Variants in CMC2 observed in about 807,000 individuals in gnomAD.
The protein encoded by CMC2 is C-X9-C motif containing 2, also known as COX assembly mitochondrial protein 2 homolog.
In CMC2, 5 loss-of-function variants were observed where a neutral mutation model predicts 7.5. The ratio of observed to expected loss-of-function variants is 0.66; its 90% CI spans 0.35 to 1.40. The LOEUF (loss-of-function observed/expected upper bound fraction) is 1.40, where lower values mean the gene tolerates loss of function less well. Among genes scored for constraint, CMC2 ranks in the 40% most tolerant of loss-of-function variants. The probability of loss-of-function intolerance (pLI) is 0.04; values close to 1 mark genes in which losing one functional copy is unlikely to be tolerated. For missense variants in CMC2, 115 were observed against 92.3 expected, an observed-to-expected ratio of 1.25 and a Z score of -1.01; for synonymous variants, 37 against 31.4, an observed-to-expected ratio of 1.18 and a Z score of -0.60.
intron 3 of CMC2, among the ~76,000 whole-genome samples, chr16:80,979,088 A>T (rs199845684): frequency 0.14 from 21,724 of 149,906 alleles, 1,692 homozygotes; most frequent in Admixed American, 0.2. Context: ...CAAAAAAAAT[A>T]AAAAAATAAA....
At chr16:80,994,420 T>C (rs1347081899) in intron 2 of CMC2, among the ~76,000 whole-genome samples, 5 of 59,576 alleles carry the variant, frequency 8.4e-5, no homozygotes, top group South Asian at 1.7e-3. Flanking sequence ...TTGAAACACA[T>C]CCTAAAGGAA....
At position 80,997,349 on chromosome 16, in the gene CMC2, C is replaced by T. The variant is rs757345931; in HGVS notation, c.46G>A (p.Val16Ile). The T allele has an allele frequency of 1.3e-5, 18 of 1,421,654 alleles. No individual in the cohort carries two copies. The highest frequency in any genetic ancestry group is 3.4e-5 in the South Asian group (3 of 88,132). The allele number at this position is 1,421,654 out of a possible 1,614,324, so 88.1% of individuals were successfully genotyped here. A position where few individuals can be genotyped will look rare whatever the true frequency, so the allele number is the denominator to read the frequency against. Reference protein sequence around the residue: ...SPHLHTEECNVLINLLKECHK... With the variant: ...SPHLHTEECNILINLLKECHK... ...CATTCCTTAAGCAAGTTAATCAAGA[C>T]GTTGCATTCTTCAGTGTGCAAGTGT... The change falls in exon 2 of 4, where the codon GTC becomes ATC. Residue 16 changes from valine to isoleucine, a missense_variant. Physicochemically the swap from Val to Ile is conservative, Grantham distance 29 (BLOSUM62 3). Transcript: ENST00000219400.
At chr16:80,997,209 A>C in intron 2 of CMC2, 105 bp downstream of exon 2, 1 of 745,106 alleles carries the variant, frequency 1.3e-6, no homozygotes. Context: ...CAGACTCCTT[A>C]CTAAGACATT....
At chr16:81,000,826 C>T (rs1469341609) in intron 1 of CMC2, among the ~76,000 whole-genome samples, 1 of 152,200 alleles carries the variant, frequency 6.6e-6, no homozygotes, top group Non-Finnish European at 1.5e-5. Context: ...CCACTAGATC[C>T]AGCAATCCCA....
At chr16:80,987,069 G>A (rs529316774) in intron 2 of CMC2, among the ~76,000 whole-genome samples, 2 of 152,314 alleles carry the variant, frequency 1.3e-5, no homozygotes, top group South Asian at 4.1e-4. Context: ...GGTAACTACT[G>A]AAAACATCCA....
At position 80,974,930 on chromosome 16, in the gene CMC2, G is replaced by T. The variant is rs1233962028; in HGVS notation, c.*1163C>A. The T allele has an allele frequency of 1.3e-5, 2 of 152,182 alleles. No homozygotes were observed. Among genetic ancestry groups the T allele is most frequent in the African/African-American group, 2.4e-5 (1 of 41,442 alleles). 9.4% of individuals were successfully genotyped at this position (152,182 alleles called of 1,614,324 possible). ...AGCTTCTTGAATACCTCCTGTGATG[G>T]GGAAGTCACTTATTAAACACCAACA... is the stretch of plus-strand genomic sequence containing the variant. On this transcript the variant is annotated 3_prime_UTR_variant, in exon 4 of 4. Transcript: ENST00000219400.
chr16:80,979,417 C>G (rs139560640), intron 3 of CMC2, among the ~76,000 whole-genome samples: 3 of 151,930 alleles, frequency 2.0e-5, no homozygotes, highest in Admixed American at 6.5e-5. Flanking sequence ...CTCAGGCCAG[C>G]TGAGAAGACA....
intron 1 of CMC2, among the ~76,000 whole-genome samples, chr16:81,005,329 T>C (rs1007226072): frequency 4.6e-5 from 7 of 151,934 alleles, no homozygotes; most frequent in Admixed American, 4.6e-4. Flanking sequence ...CGAGAATCAC[T>C]AGAACTCGGG....
chr16:80,986,912 G>A (rs543757125), intron 2 of CMC2, among the ~76,000 whole-genome samples: 4 of 152,326 alleles, frequency 2.6e-5, no homozygotes, highest in South Asian at 2.1e-4. Context: ...CCAGGAAAGC[G>A]AATGATTTTT....
chr16:80,981,826 T>C lies in CMC2; in HGVS notation c.133A>G (p.Arg45Gly). The C allele has an allele frequency of 6.2e-7, 1 of 1,610,240 alleles. No homozygotes were observed. Among genetic ancestry groups the C allele is most frequent in the Non-Finnish European group, 8.5e-7 (1 of 1,177,414 alleles). The change falls in exon 3 of 4, where the codon AGA (arginine) becomes GGA (glycine). Residue 45 changes from arginine to glycine, a missense_variant. Arg to Gly is a moderately radical substitution (Grantham distance 125). Coordinates refer to ENST00000219400, the MANE Select transcript of CMC2 (RefSeq NM_020188.5). ...GYCNDVDREL[R>G]KCLKNEYVEN... The stretch of plus-strand genomic sequence containing the variant: ...CTTACCTCATTCTTCAGGCATTTTC[T>C]CAACTCCCGATCAACATCATTACAA...
intron 1 of CMC2, among the ~76,000 whole-genome samples, chr16:80,999,975 T>C (rs933237042): frequency 6.6e-6 from 1 of 152,164 alleles, no homozygotes; most frequent in African/African-American, 2.4e-5. Flanking sequence ...AACACCATTC[T>C]GGACATTCAC....
At chr16:81,001,262 C>G (rs1262655898) in intron 1 of CMC2, 1 of 152,160 alleles carries the variant, frequency 6.6e-6, no homozygotes, top group Non-Finnish European at 1.5e-5. Flanking sequence ...ATGATGGGAT[C>G]AACAGTACCC....
chr16:80,995,969 C>A (rs1358882978), intron 2 of CMC2, among the ~76,000 whole-genome samples: 1 of 150,892 alleles, frequency 6.6e-6, no homozygotes, highest in African/African-American at 2.4e-5. Flanking sequence ...TCCAGTGATT[C>A]AAGAAGCCAC....
At chr16:80,999,526 A>G (rs1383127763) in intron 1 of CMC2, among the ~76,000 whole-genome samples, 1 of 151,680 alleles carries the variant, frequency 6.6e-6, no homozygotes, top group African/African-American at 2.4e-5. Flanking sequence ...CTCCTATCAA[A>G]CTACCAATGG....
At chr16:81,005,070 G>A (rs1282006970) in intron 1 of CMC2, among the ~76,000 whole-genome samples, 1 of 152,194 alleles carries the variant, frequency 6.6e-6, no homozygotes, top group Non-Finnish European at 1.5e-5. Context: ...AGAAAAGTCT[G>A]TTGTGCAGAG....
At chr16:81,002,597 T>C (rs1331539601) in intron 1 of CMC2, among the ~76,000 whole-genome samples, 1 of 152,186 alleles carries the variant, frequency 6.6e-6, no homozygotes, top group East Asian at 1.9e-4. Context: ...TTTCTTTAAT[T>C]GACAAATACC....
At chr16:80,993,338 G>T (rs943832941) in intron 2 of CMC2, among the ~76,000 whole-genome samples, 1 of 152,136 alleles carries the variant, frequency 6.6e-6, no homozygotes, top group Non-Finnish European at 1.5e-5. Context: ...ATGTAGCAGA[G>T]AACAGAACTC....
chr16:80,978,334 A>G, intron 3 of CMC2: 1 of 1,264,702 alleles, frequency 7.9e-7, no homozygotes, highest in South Asian at 1.3e-5. Flanking sequence ...TAGCAGGCCA[A>G]TAAAATAAGT....
At chr16:80,986,770 A>G (rs908938730) in intron 2 of CMC2, among the ~76,000 whole-genome samples, 1 of 152,266 alleles carries the variant, frequency 6.6e-6, no homozygotes, top group African/African-American at 2.4e-5. Flanking sequence ...AGTTTTAAAA[A>G]GAGATAAGAT....
Sources: allele counts gnomAD v4.1 joint callset (sites outside exome capture counted in the v4.1 genomes callset), GRCh38; gene constraint gnomAD v4.1.1; transcripts MANE v1.5; gene names NCBI Gene and HGNC (gene_info 2026-07-23, HGNC 2026-07-21).